Variants in NXPE4 observed in about 807,000 individuals in gnomAD.
NXPE4 encodes neurexophilin and PC-esterase domain family member 4, also known as NXPE family member 4.
A neutral mutation model predicts 33.3 loss-of-function variants in NXPE4; 42 were observed. The ratio of observed to expected loss-of-function variants is 1.26; its 90% CI spans 0.98 to 1.63. The LOEUF (loss-of-function observed/expected upper bound fraction) is 1.63. NXPE4 is among the 40% of genes most tolerant of loss of function. The pLI, the probability that NXPE4 is intolerant of heterozygous loss-of-function variation, is 0.00. For synonymous variants in NXPE4, 253 were observed against 234.9 expected (o/e 1.08, Z -0.71); for missense variants, 709 against 647.6 (o/e 1.09, Z -1.03).
At chr11:114,581,317 A>G (rs181875803) in intron 4 of NXPE4, among the ~76,000 whole-genome samples, 3 of 152,286 alleles carry the variant, frequency 2.0e-5, no homozygotes, top group African/African-American at 4.8e-5. Context: ...GTTATAATAA[A>G]CTGACACTCA....
At chr11:114,639,983 T>C in the NXPE4 span, among the ~76,000 whole-genome samples, 54 of 117,036 alleles carry the variant, frequency 4.6e-4, no homozygotes, top group Non-Finnish European at 7.8e-4. Flanking sequence ...TATAATATAA[T>C]ATAATAATGT....
chr11:114,599,899 C>T (rs572916966), upstream of NXPE4, among the ~76,000 whole-genome samples: 1 of 151,988 alleles, frequency 6.6e-6, no homozygotes, highest in African/African-American at 2.4e-5. Context: ...AGATCCAAAC[C>T]ATATCAGAAT....
the NXPE4 span, among the ~76,000 whole-genome samples, chr11:114,623,956 TA>T: frequency 1.7e-4 from 26 of 152,130 alleles, 3 homozygotes; most frequent in Admixed American, 1.7e-3. Flanking sequence ...TAACCACTGT[TA>T]TCCAGTGGAT....
At chr11:114,665,295 C>T in the NXPE4 span, among the ~76,000 whole-genome samples, 1 of 152,126 alleles carries the variant, frequency 6.6e-6, no homozygotes, top group Admixed American at 6.6e-5. Context: ...ATTTCTCCCC[C>T]ACAATCTCTC....
At chr11:114,675,073 G>GA in the NXPE4 span, among the ~76,000 whole-genome samples, 1 of 151,488 alleles carries the variant, frequency 6.6e-6, no homozygotes, top group Non-Finnish European at 1.5e-5. Flanking sequence ...AATAGATAAA[G>GA]AAAAAGGATT....
chr11:114,634,219 G>A, the NXPE4 span, among the ~76,000 whole-genome samples: 3 of 151,710 alleles, frequency 2.0e-5, no homozygotes, highest in African/African-American at 7.3e-5. Context: ...GCCAGTGATG[G>A]TGAGCATTTT....
At chr11:114,637,346 C>A in the NXPE4 span, among the ~76,000 whole-genome samples, 8 of 151,858 alleles carry the variant, frequency 5.3e-5, no homozygotes, top group Non-Finnish European at 7.4e-5. Flanking sequence ...TTATTTTGAG[C>A]CCATGTGTGT....
the NXPE4 span, among the ~76,000 whole-genome samples, chr11:114,614,816 T>A: frequency 6.6e-6 from 1 of 151,998 alleles, no homozygotes; most frequent in Non-Finnish European, 1.5e-5. Flanking sequence ...GCCTCGTGGG[T>A]AACCACTGTT....
chr11:114,580,105 A>C (rs752210019), intron 5 of NXPE4, 27 bp downstream of exon 5: 1 of 1,572,084 alleles, frequency 6.4e-7, no homozygotes, highest in African/African-American at 1.3e-5. Flanking sequence ...GAAAGGGGTA[A>C]GAATTATAGC....
At chr11:114,619,058 A>T in the NXPE4 span, among the ~76,000 whole-genome samples, 1 of 151,830 alleles carries the variant, frequency 6.6e-6, no homozygotes, top group Non-Finnish European at 1.5e-5. Context: ...AACCACTGTT[A>T]CCTGGTGGAT....
At chr11:114,653,220 G>A in the NXPE4 span, among the ~76,000 whole-genome samples, 1 of 152,188 alleles carries the variant, frequency 6.6e-6, no homozygotes, top group African/African-American at 2.4e-5. Context: ...AGATTTAACA[G>A]TGTAGGACTG....
chr11:114,571,299 C>T lies in NXPE4; in HGVS notation c.1274G>A (p.Gly425Glu), dbSNP rs1948878550. ...YLTRAIDRTG[G>E]EKNTVIVISL... ...AATAACAATGACAGTATTTTTTTCT[C>T]CTCCAGTTCTGTCAATGGCCCGGGT... The change falls in exon 6 of 6, where the codon GGA becomes GAA. Residue 425 changes from glycine to glutamate, a missense_variant. Physicochemically the swap from Gly to Glu is moderately conservative, Grantham distance 98 (BLOSUM62 -2). Coordinates refer to ENST00000375478, the MANE Select transcript of NXPE4 (RefSeq NM_001077639.2). The T allele has an allele frequency of 6.8e-6, 11 of 1,613,946 alleles. No individual in the cohort carries two copies. The highest frequency in any genetic ancestry group is 9.3e-6 in the Non-Finnish European group (11 of 1,179,912).
the NXPE4 span, among the ~76,000 whole-genome samples, chr11:114,674,687 G>A: frequency 2.6e-5 from 4 of 151,686 alleles, no homozygotes; most frequent in African/African-American, 9.7e-5. Context: ...AGAAAAGACA[G>A]GACCTGATGG....
At chr11:114,676,968 G>A in the NXPE4 span, among the ~76,000 whole-genome samples, 1 of 152,000 alleles carries the variant, frequency 6.6e-6, no homozygotes, top group Admixed American at 6.6e-5. Flanking sequence ...GCAACAACAT[G>A]GGTGAACCTG....
Position 114,582,475 on chromosome 11 carries a change from C to G in NXPE4, c.643G>C (p.Val215Leu). Residue 215 changes from valine to leucine, a missense_variant, in exon 3 of 6, where the codon GTC becomes CTC. Physicochemically the swap from Val to Leu is conservative, Grantham distance 32. Transcript: ENST00000375478. ...AGGATCAGGCCACATTCAGAGTGGA[C>G]TTGGGAAGTGCCATTGACAAACTGG... ...TGQFVNGTSQ[V>L]HSECGLILNT... The G allele has an allele frequency of 6.2e-7, 1 of 1,614,156 alleles. No individual in the cohort carries two copies. Among genetic ancestry groups the G allele is most frequent in the Non-Finnish European group, 8.5e-7 (1 of 1,180,014 alleles).
At chr11:114,574,009 AC>A (rs1298749401) in intron 5 of NXPE4, among the ~76,000 whole-genome samples, 5 of 151,980 alleles carry the variant, frequency 3.3e-5, no homozygotes, top group Non-Finnish European at 7.4e-5. Context: ...TATATCAAGT[AC>A]TCTCTCAGAC....
chr11:114,576,725 T>A (rs1949001319), intron 5 of NXPE4, among the ~76,000 whole-genome samples: 1 of 151,934 alleles, frequency 6.6e-6, no homozygotes, highest in African/African-American at 2.4e-5. Context: ...GGGAACACTT[T>A]TACACTGTTG....
At chr11:114,595,982 A>G (rs1490786054), upstream of NXPE4, among the ~76,000 whole-genome samples, 5 of 152,210 alleles carry the variant, frequency 3.3e-5, no homozygotes, top group African/African-American at 1.2e-4. Context: ...AAATAATTGT[A>G]TTTAGTTAAT....
the NXPE4 span, among the ~76,000 whole-genome samples, chr11:114,615,273 GGTATCCACT>G: frequency 6.6e-6 from 1 of 151,848 alleles, no homozygotes; most frequent in South Asian, 2.1e-4. Flanking sequence ...TTTCCTTGTG[GGTATCCACT>G]GTTACCTGGT....
Sources: gnomAD v4.1 joint callset for allele counts (sites outside exome capture counted in the v4.1 genomes callset) on GRCh38, gnomAD v4.1.1 for gene constraint, MANE v1.5 for transcripts, NCBI Gene and HGNC (gene_info 2026-07-23, HGNC 2026-07-21) for gene names.